The following TENM4 variants were observed in gnomAD, a reference collection of about 807,000 sequenced individuals.
TENM4 encodes teneurin-4.
Under a neutral mutation model 243.3 loss-of-function variants are expected in TENM4, and 82 were observed. The ratio of observed to expected loss-of-function variants is 0.34; its 90% CI spans 0.28 to 0.40. The LOEUF is 0.40. TENM4 is among the 10% of genes least tolerant of loss of function. The probability of loss-of-function intolerance (pLI) is 1.00; values close to 1 mark genes in which losing one functional copy is unlikely to be tolerated. For missense variants in TENM4, 3,138 were observed against 3,673.3 expected (o/e 0.85, Z 3.77); for synonymous variants, 1,412 against 1,456.3 (o/e 0.97, Z 0.69).
chr11:78,757,058 T>C (rs1220864381), intron 18 of TENM4, 37 bp from the exon 19 acceptor site: 1 of 1,577,626 alleles, frequency 6.3e-7, no homozygotes, highest in Non-Finnish European at 8.7e-7. Flanking sequence ...TATATTGCTA[T>C]GTTCAATCAG....
intron 2 of TENM4, chr11:79,269,456 G>A (rs1451684399): frequency 6.6e-6 from 1 of 152,146 alleles, no homozygotes; most frequent in African/African-American, 2.4e-5. Context: ...TGTCTCCCAG[G>A]GGCTTCTACA....
intron 1 of TENM4, among the ~76,000 whole-genome samples, chr11:79,382,247 C>T (rs1287632985): frequency 6.6e-6 from 1 of 152,162 alleles, no homozygotes; most frequent in Admixed American, 6.5e-5. Context: ...AGGGAATTGG[C>T]AGTGGCCGTG....
chr11:79,205,548 A>G (rs1863836222), intron 3 of TENM4, among the ~76,000 whole-genome samples: 1 of 152,230 alleles, frequency 6.6e-6, no homozygotes, highest in South Asian at 2.1e-4. Flanking sequence ...CATTTCAAAA[A>G]TCAATGAAAT....
chr11:78,690,499 A>G (rs929378816), intron 28 of TENM4, among the ~76,000 whole-genome samples: 1 of 152,212 alleles, frequency 6.6e-6, no homozygotes, highest in African/African-American at 2.4e-5. Flanking sequence ...TCATAATCAG[A>G]AAAGTGTTGT....
intron 6 of TENM4, among the ~76,000 whole-genome samples, chr11:79,004,787 A>G (rs1220843237): frequency 6.6e-6 from 1 of 152,086 alleles, no homozygotes; most frequent in Non-Finnish European, 1.5e-5. Context: ...GCAAAAAACC[A>G]TAAGAAAGAT....
intron 2 of TENM4, among the ~76,000 whole-genome samples, chr11:79,295,897 A>ACACAC (rs1856443491): frequency 1.8e-4 from 1 of 5,518 alleles, no homozygotes; most frequent in Admixed American, 9.1e-4. Context: ...CAGGGATTAA[A>ACACAC]CACACACACA....
rs568031340 is a variant in TENM4 at position 78,950,436 on chromosome 11, A to G, written c.494-46913T>C. Among the ~76,000 whole-genome samples the G allele has an allele frequency of 3.9e-5, 6 of 152,262 alleles. No homozygotes were observed. In the South Asian group the frequency reaches 8.3e-4, roughly 21 times the overall value. The stretch of plus-strand genomic sequence containing the variant: ...TGCTTTAGAGGTTCCCTTAGACCCT[A>G]TGGCTGCCTGAGGGTTGTCAAGAAA... On this transcript the variant is annotated intron_variant, in intron 6 of 33. Transcript: ENST00000278550.
At chr11:79,350,330 G>A (rs1163923365) in intron 1 of TENM4, among the ~76,000 whole-genome samples, 1 of 151,932 alleles carries the variant, frequency 6.6e-6, no homozygotes, top group Non-Finnish European at 1.5e-5. Context: ...CACCTCATAC[G>A]CAAATTCCAG....
At chr11:79,208,014 C>A (rs1011190954) in intron 3 of TENM4, among the ~76,000 whole-genome samples, 3 of 152,032 alleles carry the variant, frequency 2.0e-5, no homozygotes, top group African/African-American at 7.2e-5. Context: ...GACAGGAATG[C>A]TATTCCAGAG....
chr11:79,176,920 G>A (rs917016065), intron 3 of TENM4, among the ~76,000 whole-genome samples: 2 of 152,154 alleles, frequency 1.3e-5, no homozygotes, highest in Non-Finnish European at 2.9e-5. Flanking sequence ...CAGGGTGGGG[G>A]CAGGTTCCTT....
chr11:79,101,545 C>T (rs185954327), intron 4 of TENM4, among the ~76,000 whole-genome samples: 3 of 152,280 alleles, frequency 2.0e-5, no homozygotes, highest in African/African-American at 7.2e-5. Flanking sequence ...ATTAAGAAAC[C>T]GTTGCGTCCT....
intron 6 of TENM4, among the ~76,000 whole-genome samples, chr11:78,990,238 G>T (rs1237470691): frequency 6.6e-6 from 1 of 152,060 alleles, no homozygotes; most frequent in Admixed American, 6.5e-5. Flanking sequence ...ACAGCTCAAG[G>T]TTACTCAGAC....
chr11:79,426,374 T>G (rs1360790717), intron 1 of TENM4, among the ~76,000 whole-genome samples: 1 of 152,168 alleles, frequency 6.6e-6, no homozygotes, highest in African/African-American at 2.4e-5. Flanking sequence ...CCTGACTCAC[T>G]GGTAGAGTGA....
At chr11:78,792,862 C>T (rs996284681) in intron 15 of TENM4, among the ~76,000 whole-genome samples, 10 of 152,174 alleles carry the variant, frequency 6.6e-5, no homozygotes, top group Admixed American at 2.6e-4. Context: ...AACAATGCCT[C>T]AGTCCTTACA....
Position 78,658,599 on chromosome 11 carries a change from T to A in TENM4, c.7769A>T (p.Asp2590Val), listed in dbSNP as rs1368974998. 6.2e-7 allele frequency: 1 copy of A among 1,613,906 alleles called. No homozygotes were observed. Among genetic ancestry groups the A allele is most frequent in the East Asian group, 2.2e-5 (1 of 44,894 alleles). The stretch of plus-strand genomic sequence containing the variant: ...CAAGATGGCAGCAACCCTTCGCCCA[T>A]CCTCATTGGCCACACTGATGATGTC... The part of the protein sequence containing the change: ...TTDIISVANE[D>V]GRRVAAILNH... Residue 2590 changes from aspartate to valine, a missense_variant, in exon 34 of 34, where the codon GAT becomes GTT. Asp to Val is a radical substitution (Grantham distance 152). Transcript: ENST00000278550.
chr11:78,703,161 G>A (rs543744389), intron 27 of TENM4, among the ~76,000 whole-genome samples: 106 of 152,196 alleles, frequency 7.0e-4, no homozygotes, highest in African/African-American at 2.3e-3. Flanking sequence ...CTTGGGCATC[G>A]GCATTATTTT....
chr11:79,164,343 C>CTAG (rs1259787580), intron 3 of TENM4, among the ~76,000 whole-genome samples: 1 of 105,586 alleles, frequency 9.5e-6, no homozygotes, highest in Non-Finnish European at 1.9e-5. Flanking sequence ...TATAGATATA[C>CTAG]TATATAGATA....
rs569584560 is a variant in TENM4, at chr11:79,072,882, A to G, written c.-65-2873T>C. Among the ~76,000 whole-genome samples the G allele has an allele frequency of 3.9e-5, 6 of 152,328 alleles. No homozygotes were observed. In the East Asian group the frequency reaches 9.6e-4, roughly 24 times the overall value. On this transcript the variant is annotated intron_variant, in intron 4 of 33. Coordinates refer to ENST00000278550, the MANE Select transcript of TENM4 (RefSeq NM_001098816.3). ...CTAATAACTCATATTAATAACTCAT[A>G]ATATTAATAATGGTTTGAACAATAT...
chr11:79,096,738 A>G (rs1421700138), intron 4 of TENM4: 3 of 152,714 alleles, frequency 2.0e-5, no homozygotes, highest in Admixed American at 6.5e-5. Flanking sequence ...CAGCTGGGCC[A>G]CTGCCTGACT....
Sources: gnomAD v4.1 joint callset for allele counts (sites outside exome capture counted in the v4.1 genomes callset) on GRCh38, gnomAD v4.1.1 for gene constraint, MANE v1.5 for transcripts, NCBI Gene and HGNC (gene_info 2026-07-23, HGNC 2026-07-21) for gene names.